Variants in VPS13B observed in about 807,000 individuals in gnomAD.
VPS13B encodes vacuolar protein sorting 13 homolog B, also known as intermembrane lipid transfer protein VPS13B.
Under a neutral mutation model 426.4 loss-of-function variants are expected in VPS13B, and 285 were observed. The observed-to-expected ratio is 0.67, with a 90% CI of 0.61 to 0.74. VPS13B has a LOEUF of 0.74. VPS13B is among the 30% of genes least tolerant of loss of function. VPS13B has a pLI of 0.00. For synonymous variants in VPS13B, 1,676 were observed against 1,676.4 expected (o/e 1.00, Z 0.01); for missense variants, 4,537 against 4,782.6 (o/e 0.95, Z 1.51).
At chr8:99,275,432 GA>G (rs1818849208) in intron 19 of VPS13B, among the ~76,000 whole-genome samples, 178 bp downstream of exon 19, 2 of 149,990 alleles carry the variant, frequency 1.3e-5, no homozygotes, top group Non-Finnish European at 3.0e-5. Context: ...TTTGTTAATT[GA>G]AATGTGTTTA....
chr8:99,436,949 C>G (rs1251967360), intron 22 of VPS13B, among the ~76,000 whole-genome samples: 2 of 152,202 alleles, frequency 1.3e-5, no homozygotes, highest in East Asian at 3.9e-4. Context: ...CCGTGTTAGC[C>G]AGGGTGGTCT....
intron 16 of VPS13B, among the ~76,000 whole-genome samples, chr8:99,184,520 CTT>C (rs1442404576): frequency 1.3e-5 from 2 of 152,106 alleles, no homozygotes; most frequent in African/African-American, 2.4e-5. Flanking sequence ...ATTTATTACA[CTT>C]TTATTTTAGT....
chr8:99,360,444 T>G (rs561922371), intron 19 of VPS13B, among the ~76,000 whole-genome samples: 1 of 151,104 alleles, frequency 6.6e-6, no homozygotes, highest in South Asian at 2.1e-4. Flanking sequence ...GCCCGGCTAA[T>G]TTTTTTGTAT....
chr8:99,523,455 AATGGTGGTGGCAGCC>A (rs1395448992), intron 30 of VPS13B, among the ~76,000 whole-genome samples: 1 of 152,200 alleles, frequency 6.6e-6, no homozygotes, highest in Non-Finnish European at 1.5e-5. Context: ...GCGCAGTCCC[AATGGTGGTGGCAGCC>A]ACAGTGCTTG....
At chr8:99,539,134 A>G (rs1180480969) in intron 30 of VPS13B, among the ~76,000 whole-genome samples, 1 of 152,212 alleles carries the variant, frequency 6.6e-6, no homozygotes, top group African/African-American at 2.4e-5. Context: ...CTAAATGATG[A>G]TGATTACATT....
At chr8:99,023,042 G>A (rs531550758) in intron 2 of VPS13B, among the ~76,000 whole-genome samples, 1 of 151,448 alleles carries the variant, frequency 6.6e-6, no homozygotes, top group South Asian at 2.1e-4. Context: ...CCAGGCTAGA[G>A]TGCAGTGTTG....
At chr8:99,044,634 T>C (rs1843125276) in intron 3 of VPS13B, among the ~76,000 whole-genome samples, 1 of 152,072 alleles carries the variant, frequency 6.6e-6, no homozygotes, top group African/African-American at 2.4e-5. Context: ...TTGTGTCTTT[T>C]ATCCCTTACC....
chr8:99,495,558 G>T (rs1820839692), intron 25 of VPS13B, among the ~76,000 whole-genome samples: 1 of 152,156 alleles, frequency 6.6e-6, no homozygotes, highest in African/African-American at 2.4e-5. Context: ...CATGGTGGTT[G>T]AGGGCCTGTC....
intron 22 of VPS13B, among the ~76,000 whole-genome samples, chr8:99,439,024 A>C (rs955052711): frequency 2.0e-5 from 3 of 152,096 alleles, no homozygotes; most frequent in African/African-American, 7.2e-5. Context: ...AATTTCCCCC[A>C]TTAACAGATG....
chr8:99,819,898 C>T, intron 48 of VPS13B, 23 bp from the exon 49 acceptor site: 1 of 1,613,054 alleles, frequency 6.2e-7, no homozygotes, highest in Non-Finnish European at 8.5e-7. Flanking sequence ...CATTGAGTCT[C>T]TTGGATGTGG....
intron 33 of VPS13B, among the ~76,000 whole-genome samples, chr8:99,587,163 C>T: frequency 6.6e-6 from 1 of 152,116 alleles, no homozygotes; most frequent in African/African-American, 2.4e-5. Flanking sequence ...CATCCTTTTT[C>T]ACAGCTGCAT....
At chr8:99,869,080 T>G (rs906659789) in intron 59 of VPS13B, among the ~76,000 whole-genome samples, 2 of 152,232 alleles carry the variant, frequency 1.3e-5, no homozygotes, top group Non-Finnish European at 2.9e-5. Context: ...AATGGGTGCC[T>G]GTGAAAGGAA....
In VPS13B at chr8:99,862,107, C is replaced by T. The variant is rs182805930; in HGVS notation, c.11215+161C>T. Among the ~76,000 whole-genome samples the T allele has an allele frequency of 2.9e-3, 440 of 152,366 alleles. 2 individuals carry two copies. The highest frequency in any genetic ancestry group is 9.9e-3 in the African/African-American group (413 of 41,576). ...GTTCTACAGTGCGTCCCGCCGGGGG[C>T]TCACCTGCACAGCCGCACATGCAGC... is the stretch of plus-strand genomic sequence containing the variant. On this transcript the variant is annotated intron_variant, in intron 58 of 61. Coordinates refer to ENST00000357162, the MANE Select transcript of VPS13B (RefSeq NM_152564.5).
chr8:99,553,421 G>GTGGAT (rs1824385628), intron 30 of VPS13B, among the ~76,000 whole-genome samples: 2 of 152,106 alleles, frequency 1.3e-5, no homozygotes, highest in Admixed American at 1.3e-4. Context: ...CATTCATAAA[G>GTGGAT]TGGATTTTGT....
In VPS13B at chr8:99,089,063, A is replaced by C. The variant is rs145057253; in HGVS notation, c.292-7249A>C. ...TTGTTAATTTAGTATTATATTTTTC[A>C]GTTCCCTTTTTCTCATAGGGAGGCA... On this transcript the variant is annotated intron_variant, in intron 3 of 61. Coordinates refer to ENST00000357162, the MANE Select transcript of VPS13B (RefSeq NM_152564.5). Among the ~76,000 whole-genome samples, 630 of 152,316 alleles carry C rather than the reference A, an allele frequency of 4.1e-3. 5 individuals carry two copies. The highest frequency in any genetic ancestry group is 0.022 in the South Asian group (104 of 4,828).
intron 19 of VPS13B, among the ~76,000 whole-genome samples, chr8:99,360,175 T>TC (rs1333910209): frequency 2.5e-5 from 1 of 40,756 alleles, no homozygotes; most frequent in Non-Finnish European, 4.5e-5. Context: ...TCTTTCTTTC[T>TC]TTCTTTCTTT....
chr8:99,620,862 C>G (rs1828315861), intron 33 of VPS13B, among the ~76,000 whole-genome samples: 1 of 151,264 alleles, frequency 6.6e-6, no homozygotes, highest in Admixed American at 6.6e-5. Flanking sequence ...TGGTATGCAC[C>G]TGTAATCCCA....
At chr8:99,208,379 T>C (rs1814856713) in intron 17 of VPS13B, among the ~76,000 whole-genome samples, 1 of 152,180 alleles carries the variant, frequency 6.6e-6, no homozygotes, top group Admixed American at 6.5e-5. Flanking sequence ...TTCTTTTTAT[T>C]TCCTTTTTTT....
At chr8:99,518,211 T>C (rs1822189556) in intron 29 of VPS13B, among the ~76,000 whole-genome samples, 1 of 152,172 alleles carries the variant, frequency 6.6e-6, no homozygotes, top group African/African-American at 2.4e-5. Context: ...GTGAGTAGTA[T>C]CTGTAGCCTG....
Sources: allele counts gnomAD v4.1 joint callset (sites outside exome capture counted in the v4.1 genomes callset), GRCh38; gene constraint gnomAD v4.1.1; transcripts MANE v1.5; gene names NCBI Gene and HGNC (gene_info 2026-07-23, HGNC 2026-07-21).